The following ACTR10 variants were observed in gnomAD, a reference collection of about 807,000 sequenced individuals.
The protein encoded by ACTR10 is actin related protein 10.
In ACTR10, 43 loss-of-function variants were observed where a neutral mutation model predicts 56.2. The ratio of observed to expected loss-of-function variants is 0.77; its 90% CI spans 0.60 to 0.99. The LOEUF is 0.99. Among genes scored for constraint, ACTR10 ranks in the 50% least tolerant of loss-of-function variants. The pLI is 0.00. For missense variants in ACTR10, 466 were observed against 507.8 expected (o/e 0.92, Z 0.79); for synonymous variants, 170 against 176.3 (o/e 0.96, Z 0.28).
rs1889646757 is a variant in ACTR10, at chr14:58,235,000, A to C, written c.*449A>C. 6.6e-6 allele frequency: 1 copy of C among 152,570 alleles called. No individual in the cohort carries two copies. Among genetic ancestry groups the C allele is most frequent in the Non-Finnish European group, 1.5e-5 (1 of 68,418 alleles). The allele number at this position is 152,570 out of a possible 1,614,324, so 9.5% of individuals were successfully genotyped here. The stretch of plus-strand genomic sequence containing the variant: ...CGCCCGGCTAATTTTTTGTATATTT[A>C]GTAGAGACGGGGTTTCACCATGTTA... On this transcript the variant is annotated 3_prime_UTR_variant, in exon 13 of 13. Coordinates refer to ENST00000254286, the MANE Select transcript of ACTR10 (RefSeq NM_018477.3).
intron 8 of ACTR10, among the ~76,000 whole-genome samples, chr14:58,222,114 T>A (rs1421072832): frequency 1.3e-5 from 2 of 152,112 alleles, no homozygotes; most frequent in African/African-American, 2.4e-5. Flanking sequence ...TGAAAAGAAT[T>A]GTGTATAATA....
intron 10 of ACTR10, among the ~76,000 whole-genome samples, chr14:58,229,820 A>C (rs1273666576): frequency 1.3e-5 from 2 of 151,844 alleles, no homozygotes; most frequent in Non-Finnish European, 2.9e-5. Context: ...TGTACCTTAA[A>C]TATATATATA....
intron 8 of ACTR10, among the ~76,000 whole-genome samples, chr14:58,222,117 GT>G (rs1889288470): frequency 6.6e-6 from 1 of 151,684 alleles, no homozygotes; most frequent in Admixed American, 6.6e-5. Flanking sequence ...AAAGAATTGT[GT>G]ATAATATATA....
intron 8 of ACTR10, 49 bp downstream of exon 8, chr14:58,219,778 G>A (rs1410292148): frequency 1.6e-6 from 2 of 1,236,416 alleles, no homozygotes; most frequent in Non-Finnish European, 2.2e-6. Context: ...GTGTTACTTT[G>A]GAGGGCATAT....
intron 4 of ACTR10, among the ~76,000 whole-genome samples, chr14:58,210,541 A>G (rs1166424952): frequency 6.6e-6 from 1 of 152,216 alleles, no homozygotes; most frequent in African/African-American, 2.4e-5. Context: ...GTAAAAATAT[A>G]TAGTTCATAT....
At chr14:58,224,892 G>A (rs1240451206) in intron 10 of ACTR10, among the ~76,000 whole-genome samples, 1 of 151,940 alleles carries the variant, frequency 6.6e-6, no homozygotes, top group Non-Finnish European at 1.5e-5. Context: ...AGGAGGCTGA[G>A]GCAGGAGAAT....
intron 2 of ACTR10, among the ~76,000 whole-genome samples, chr14:58,206,411 G>T (rs867830805): frequency 6.6e-5 from 10 of 151,888 alleles, no homozygotes; most frequent in Non-Finnish European, 1.3e-4. Context: ...TCAAACTCCT[G>T]ACCTCAGGTG....
chr14:58,200,950 A>C (rs1161427711), intron 1 of ACTR10, among the ~76,000 whole-genome samples: 1 of 152,204 alleles, frequency 6.6e-6, no homozygotes, highest in Non-Finnish European at 1.5e-5. Flanking sequence ...CCACAAATGC[A>C]CAAATCTTAA....
Position 58,235,627 on chromosome 14 carries a change from C to G in ACTR10, c.*1076C>G, listed in dbSNP as rs1312247268. On this transcript the variant is annotated 3_prime_UTR_variant, in exon 13 of 13. Coordinates refer to ENST00000254286, the MANE Select transcript of ACTR10 (RefSeq NM_018477.3). ...TTCATTTGTTTTTAATGAACTACCT[C>G]TTGTTGAAATTTTGCTGGCTTCATT... The G allele has an allele frequency of 6.6e-6, 1 of 152,114 alleles. No individual in the cohort carries two copies. Among genetic ancestry groups the G allele is most frequent in the African/African-American group, 2.4e-5 (1 of 41,398 alleles). 9.4% of individuals were successfully genotyped at this position (152,114 alleles called of 1,614,324 possible).
chr14:58,221,874 C>T (rs1050634773), intron 8 of ACTR10, among the ~76,000 whole-genome samples: 4 of 151,964 alleles, frequency 2.6e-5, no homozygotes, highest in East Asian at 3.9e-4. Flanking sequence ...GCTAAGATTG[C>T]GCCACTGCAC....
In ACTR10 at chr14:58,204,198, A is replaced by G. The variant is rs1249798684; in HGVS notation, c.150+1271A>G. On this transcript the variant is annotated intron_variant, in intron 2 of 12. Coordinates refer to ENST00000254286, the MANE Select transcript of ACTR10 (RefSeq NM_018477.3). ...AGATCGAGACCATCCTGGCTAACAC[A>G]GTGAAAACCCATCTCTACTAAAAAA... Among the ~76,000 whole-genome samples the G allele has an allele frequency of 4.6e-5, 7 of 151,080 alleles. No individual in the cohort carries two copies. In the East Asian group the frequency reaches 9.7e-4, roughly 21 times the overall value.
At chr14:58,218,614 G>T (rs892755604) in intron 7 of ACTR10, among the ~76,000 whole-genome samples, 3 of 151,638 alleles carry the variant, frequency 2.0e-5, no homozygotes, top group Admixed American at 6.6e-5. Context: ...TTAATGGTGT[G>T]GTTTCTAAGT....
chr14:58,200,873 G>C (rs1346512989), intron 1 of ACTR10, among the ~76,000 whole-genome samples: 1 of 152,184 alleles, frequency 6.6e-6, no homozygotes, highest in African/African-American at 2.4e-5. Context: ...AAACCAACTT[G>C]TAAACAATAG....
In ACTR10 at chr14:58,215,250, T is replaced by A. The variant is rs757776733; in HGVS notation, c.564T>A (p.Ser188Arg). The A allele has an allele frequency of 6.2e-7, 1 of 1,611,936 alleles. No individual in the cohort carries two copies. The highest frequency in any genetic ancestry group is 1.1e-5 in the South Asian group (1 of 90,582). The change falls in exon 7 of 13, where the codon AGT becomes AGA. Residue 188 changes from serine to arginine, a missense_variant. Ser to Arg is a moderately radical substitution (Grantham distance 110). Coordinates refer to ENST00000254286, the MANE Select transcript of ACTR10 (RefSeq NM_018477.3). The part of the protein sequence containing the change: ...QLLEQCTVDT[S>R]VAKEQSLPSV... ...TGGAACAATGTACTGTTGACACAAG[T>A]GTTGCTAAAGAACAGAGCCTTCCCT...
In ACTR10 at chr14:58,213,715, T is replaced by TG; in HGVS notation, c.518+17_518+18insG. 3 of 1,598,344 alleles carry TG rather than the reference T, an allele frequency of 1.9e-6. No homozygotes were observed. The highest frequency in any genetic ancestry group is 2.6e-6 in the Non-Finnish European group (3 of 1,167,750). Reference sequence around the variant, plus strand: ...TCTTCACAAGTAAGTTTCTTGGAATTTAACATATTCATTTCACCTGTGCCA... The same window carrying TG: ...TCTTCACAAGTAAGTTTCTTGGAATTGTAACATATTCATTTCACCTGTGCCA... On this transcript the variant is annotated intron_variant, in intron 6 of 12. Coordinates refer to ENST00000254286, the MANE Select transcript of ACTR10 (RefSeq NM_018477.3).
intron 10 of ACTR10, 140 bp downstream of exon 10, chr14:58,223,996 ATT>A: frequency 1.3e-6 from 1 of 743,768 alleles, no homozygotes; most frequent in East Asian, 2.7e-5. Flanking sequence ...TTCATGATTA[ATT>A]TTATTCAGCT....
At chr14:58,231,736 C>CTTTGCCCTACTTAATCA (rs1293933024) in intron 11 of ACTR10, among the ~76,000 whole-genome samples, 1 of 152,192 alleles carries the variant, frequency 6.6e-6, no homozygotes, top group East Asian at 1.9e-4. Context: ...TTCTCATGCT[C>CTTTGCCCTACTTAATCA]TTTGCCCTAC....
At position 58,214,723 on chromosome 14, in the gene ACTR10, T is replaced by G. The variant is rs1427445492; in HGVS notation, c.519-482T>G. On this transcript the variant is annotated intron_variant, in intron 6 of 12. Transcript: ENST00000254286. Reference sequence around the variant, plus strand: ...CCAGGCTGTTCTCAAACTCCTGACCTCAGGTGATCCACCCGCTTCAGCCTC... The same window carrying G: ...CCAGGCTGTTCTCAAACTCCTGACCGCAGGTGATCCACCCGCTTCAGCCTC... Among the ~76,000 whole-genome samples the G allele has an allele frequency of 2.0e-5, 3 of 150,366 alleles. No homozygotes were observed. In the East Asian group the frequency reaches 6.1e-4, roughly 30 times the overall value.
intron 8 of ACTR10, among the ~76,000 whole-genome samples, chr14:58,223,327 G>A (rs1220394824): frequency 6.6e-6 from 1 of 152,098 alleles, no homozygotes; most frequent in Admixed American, 6.5e-5. Flanking sequence ...TAGTAGAGAT[G>A]GGGTGTCGCC....
Sources: gnomAD v4.1 joint callset for allele counts (sites outside exome capture counted in the v4.1 genomes callset) on GRCh38, gnomAD v4.1.1 for gene constraint, MANE v1.5 for transcripts, NCBI Gene and HGNC (gene_info 2026-07-23, HGNC 2026-07-21) for gene names.